The following CCDC171 variants were observed in gnomAD, a reference collection of about 807,000 sequenced individuals.
The protein encoded by CCDC171 is coiled-coil domain containing 171.
CCDC171 carries 177 observed loss-of-function variants against 168.2 expected under a neutral mutation model. The observed-to-expected ratio is 1.05, with a 90% CI of 0.93 to 1.19. CCDC171 has a LOEUF of 1.19. Among genes scored for constraint, CCDC171 ranks in the 50% most tolerant of loss-of-function variants. The pLI, the probability that CCDC171 is intolerant of heterozygous loss-of-function variation, is 0.00. For missense variants in CCDC171, 1,991 were observed against 1,539.0 expected (o/e 1.29, Z -4.91); for synonymous variants, 687 against 540.8 (o/e 1.27, Z -3.75).
chr9:15,593,774 C>T (rs536998026), intron 5 of CCDC171, among the ~76,000 whole-genome samples: 2 of 151,796 alleles, frequency 1.3e-5, no homozygotes, highest in South Asian at 4.2e-4. Context: ...GTATATACAG[C>T]CTGTTGCTTA....
At chr9:15,612,845 G>A (rs2043802921) in intron 6 of CCDC171, among the ~76,000 whole-genome samples, 2 of 152,048 alleles carry the variant, frequency 1.3e-5, no homozygotes, top group African/African-American at 4.8e-5. Flanking sequence ...TTACTAGTTT[G>A]TTTTTCCCAC....
Position 15,971,768 on chromosome 9 carries a change from ACAT to A in CCDC171, c.3918_3920del (p.Ser1307del). 6.2e-7 allele frequency: 1 copy of A among 1,614,020 alleles called. No individual in the cohort carries two copies. ...TATAAATACTGTGCCCCATGCTCTG[ACAT>A]CATCTCACTCCTCTCCAGTGACTAT... On this transcript the variant is annotated inframe_deletion, in exon 26 of 26. Coordinates refer to ENST00000380701, the MANE Select transcript of CCDC171 (RefSeq NM_173550.4).
intron 3 of CCDC171, among the ~76,000 whole-genome samples, chr9:16,014,998 T>C (rs113557978): frequency 0.017 from 2,637 of 152,188 alleles, 75 homozygotes; most frequent in African/African-American, 0.059. Flanking sequence ...TCTTCCAATA[T>C]AAGACTGTTT....
intron 21 of CCDC171, among the ~76,000 whole-genome samples, chr9:15,819,282 C>A (rs1160417559): frequency 8.5e-6 from 1 of 117,534 alleles, no homozygotes; most frequent in Non-Finnish European, 1.9e-5. Flanking sequence ...GAAACTGCAT[C>A]AACTAACGAG....
At chr9:15,670,187 G>A (rs1174987664) in intron 9 of CCDC171, among the ~76,000 whole-genome samples, 1 of 151,820 alleles carries the variant, frequency 6.6e-6, no homozygotes, top group African/African-American at 2.4e-5. Context: ...TTTTTTGTCC[G>A]CCAGAATGCT....
intron 11 of CCDC171, 44 bp downstream of exon 11, chr9:15,695,381 CA>C: frequency 7.0e-7 from 1 of 1,427,794 alleles, no homozygotes; most frequent in Non-Finnish European, 9.9e-7. Context: ...GTCAATGTTC[CA>C]AAGTCACTAC....
chr9:16,091,981 C>T, the CCDC171 span, among the ~76,000 whole-genome samples: 1 of 152,326 alleles, frequency 6.6e-6, no homozygotes, highest in Admixed American at 6.5e-5. Context: ...TTGTTCCTCA[C>T]TGAGCCCAAT....
At chr9:15,897,729 T>C (rs145202018) in intron 24 of CCDC171, among the ~76,000 whole-genome samples, 115 of 152,282 alleles carry the variant, frequency 7.6e-4, no homozygotes, top group African/African-American at 2.5e-3. Context: ...ATGGATTCAA[T>C]TGTTGTTATA....
chr9:15,904,341 T>A (rs932064320), intron 24 of CCDC171, among the ~76,000 whole-genome samples: 1 of 152,198 alleles, frequency 6.6e-6, no homozygotes, highest in Non-Finnish European at 1.5e-5. Flanking sequence ...GCAGAAACTC[T>A]ACAAGCCAGA....
At chr9:15,847,235 A>T (rs2060937627) in intron 22 of CCDC171, among the ~76,000 whole-genome samples, 1 of 152,046 alleles carries the variant, frequency 6.6e-6, no homozygotes, top group Non-Finnish European at 1.5e-5. Context: ...ATATATTATT[A>T]TATACTAATA....
intron 18 of CCDC171, among the ~76,000 whole-genome samples, chr9:15,768,067 AGCAGTCCCATGTATAGCCAGG>A (rs1253242475): frequency 1.9e-4 from 29 of 150,086 alleles, no homozygotes; most frequent in African/African-American, 6.9e-4. Context: ...TGTTGTCCCG[AGCAGTCCCATGTATAGCCAGG>A]GCTTTATTTA....
chr9:15,589,945 C>T (rs540163418), intron 4 of CCDC171, among the ~76,000 whole-genome samples: 1 of 152,210 alleles, frequency 6.6e-6, no homozygotes, highest in African/African-American at 2.4e-5. Context: ...AAGATAACAT[C>T]TCAGAACTAA....
chr9:15,983,511 T>TGTGTGTGTGA (rs1554707509), intron 3 of CCDC171, among the ~76,000 whole-genome samples: 1 of 137,288 alleles, frequency 7.3e-6, no homozygotes, highest in Non-Finnish European at 1.6e-5. Flanking sequence ...TGTGTGTGTG[T>TGTGTGTGTGA]GAGAGAGAGA....
intron 3 of CCDC171, among the ~76,000 whole-genome samples, chr9:15,576,598 A>G (rs2040686347): frequency 6.6e-6 from 1 of 152,190 alleles, no homozygotes; most frequent in South Asian, 2.1e-4. Context: ...TGTTTGTATT[A>G]TGCCAGGAAA....
intron 25 of CCDC171, among the ~76,000 whole-genome samples, chr9:15,967,927 T>C (rs1830964373): frequency 5.3e-5 from 8 of 152,224 alleles, no homozygotes; most frequent in Admixed American, 5.2e-4. Flanking sequence ...AGACAATTTA[T>C]TGGGTGGTTA....
intron 25 of CCDC171, among the ~76,000 whole-genome samples, chr9:15,921,948 A>G (rs1360940799): frequency 1.3e-5 from 2 of 151,620 alleles, no homozygotes; most frequent in Non-Finnish European, 3.0e-5. Flanking sequence ...TTGTATTTTA[A>G]GAAGACCAAA....
chr9:15,796,675 T>C (rs543493792), intron 21 of CCDC171, among the ~76,000 whole-genome samples: 1 of 152,196 alleles, frequency 6.6e-6, no homozygotes, highest in Non-Finnish European at 1.5e-5. Context: ...GGGTGCAAGA[T>C]GGGCCAAGTC....
intron 7 of CCDC171, among the ~76,000 whole-genome samples, chr9:15,629,851 G>A (rs1209922679): frequency 2.0e-5 from 3 of 152,214 alleles, no homozygotes; most frequent in Non-Finnish European, 4.4e-5. Context: ...CTACAAGCCA[G>A]AAGAGAGTGG....
intron 15 of CCDC171, among the ~76,000 whole-genome samples, chr9:15,729,234 C>G (rs538475042): frequency 6.6e-6 from 1 of 152,214 alleles, no homozygotes; most frequent in East Asian, 1.9e-4. Flanking sequence ...TTCATGTAAA[C>G]TGTTTGCAGA....
Sources: gnomAD v4.1 joint callset for allele counts (sites outside exome capture counted in the v4.1 genomes callset) on GRCh38, gnomAD v4.1.1 for gene constraint, MANE v1.5 for transcripts, NCBI Gene and HGNC (gene_info 2026-07-23, HGNC 2026-07-21) for gene names.